Variants in CCDC83 observed in about 807,000 individuals in gnomAD.
The protein encoded by CCDC83 is coiled-coil domain containing 83.
A neutral mutation model predicts 50.1 loss-of-function variants in CCDC83; 54 were observed. That is an observed-to-expected ratio of 1.08 (90% CI 0.87 to 1.35). CCDC83 has a LOEUF of 1.35. Among genes scored for constraint, CCDC83 ranks in the 40% most tolerant of loss-of-function variants. The probability of loss-of-function intolerance (pLI) is 0.00; values close to 1 mark genes in which losing one functional copy is unlikely to be tolerated. For synonymous variants in CCDC83, 161 were observed against 153.3 expected (o/e 1.05, Z -0.37); for missense variants, 518 against 473.9 (o/e 1.09, Z -0.86).
chr11:85,907,046 A>G (rs2093429154), intron 7 of CCDC83, among the ~76,000 whole-genome samples: 1 of 152,214 alleles, frequency 6.6e-6, no homozygotes. Context: ...TACCATCACA[A>G]GAATTGAAAA....
chr11:85,899,106 A>C, intron 7 of CCDC83, 91 bp downstream of exon 7: 1 of 930,670 alleles, frequency 1.1e-6, no homozygotes, highest in Non-Finnish European at 1.7e-6. Context: ...TCATGGGAAA[A>C]GCATGGTACC....
intron 10 of CCDC83, among the ~76,000 whole-genome samples, chr11:85,918,319 C>A (rs1216643481): frequency 1.3e-5 from 2 of 152,160 alleles, no homozygotes; most frequent in African/African-American, 4.8e-5. Flanking sequence ...AGTAAACAGA[C>A]CACCTGTACC....
chr11:85,916,257 TTGAC>T, intron 10 of CCDC83, 24 bp downstream of exon 10: 1 of 1,474,412 alleles, frequency 6.8e-7, no homozygotes, highest in Non-Finnish European at 9.4e-7. Context: ...CAACACAACT[TTGAC>T]TACTAAGAAA....
At chr11:85,901,884 AGCCAGGCATGGTGGT>A (rs371094351) in intron 7 of CCDC83, among the ~76,000 whole-genome samples, 161 of 150,106 alleles carry the variant, frequency 1.1e-3, no homozygotes, top group African/African-American at 3.7e-3. Flanking sequence ...AAAAAAAATT[AGCCAGGCATGGTGGT>A]GCAGGCCTGT....
chr11:85,872,486 A>AAAC (rs141997473), intron 2 of CCDC83, among the ~76,000 whole-genome samples: 2,575 of 151,810 alleles, frequency 0.017, 33 homozygotes, highest in African/African-American at 0.037. Flanking sequence ...TTCCATCTCA[A>AAAC]AACAACAACA....
chr11:85,866,409 G>T (rs567195875), intron 2 of CCDC83, among the ~76,000 whole-genome samples: 72 of 152,242 alleles, frequency 4.7e-4, no homozygotes, highest in Non-Finnish European at 7.9e-4. Context: ...AAATGACAGG[G>T]TGGTATGGTG....
Position 85,891,674 on chromosome 11 carries a change from A to G in CCDC83, c.512-3619A>G, listed in dbSNP as rs570206193. 3.9e-5 allele frequency among the ~76,000 whole-genome samples: 6 copies of G among 152,288 alleles called. No homozygotes were observed. The East Asian group carries it at 9.6e-4, about 24-fold the overall frequency. The stretch of plus-strand genomic sequence containing the variant: ...AGTAACATTGTTTCTTTGAATGTTA[A>G]TTTTCTTGCCTATAAAATCAGAGTC... On this transcript the variant is annotated intron_variant, in intron 5 of 10. Coordinates refer to ENST00000342404, the MANE Select transcript of CCDC83 (RefSeq NM_001286159.2).
chr11:85,917,966 ATCC>A (rs1455549238), intron 10 of CCDC83: 2 of 152,158 alleles, frequency 1.3e-5, no homozygotes, highest in Non-Finnish European at 2.9e-5. Flanking sequence ...TTACTTGAGA[ATCC>A]TCCTCCCAGT....
intron 7 of CCDC83, among the ~76,000 whole-genome samples, chr11:85,908,937 T>C (rs761973753): frequency 2.6e-5 from 4 of 151,958 alleles, no homozygotes; most frequent in Non-Finnish European, 4.4e-5. Context: ...TTTTGGTTTT[T>C]TGTTTGTTTG....
chr11:85,875,294 G>C (rs1009667598), intron 3 of CCDC83, among the ~76,000 whole-genome samples: 1 of 152,220 alleles, frequency 6.6e-6, no homozygotes, highest in South Asian at 2.1e-4. Flanking sequence ...CAGGAAGGCG[G>C]GTTATCAATA....
chr11:85,857,167 C>A (rs1364648430), intron 1 of CCDC83, among the ~76,000 whole-genome samples: 1 of 152,184 alleles, frequency 6.6e-6, no homozygotes, highest in Non-Finnish European at 1.5e-5. Flanking sequence ...TGTGGAGAAC[C>A]AGATGCCGGG....
At chr11:85,879,581 T>C (rs915559817) in intron 3 of CCDC83, among the ~76,000 whole-genome samples, 3 of 152,058 alleles carry the variant, frequency 2.0e-5, no homozygotes, top group Non-Finnish European at 2.9e-5. Flanking sequence ...AGCCTCAAAA[T>C]ACATAAAGTA....
chr11:85,891,925 C>G (rs56996745), intron 5 of CCDC83, among the ~76,000 whole-genome samples: 6,860 of 152,222 alleles, frequency 0.045, 254 homozygotes, highest in South Asian at 0.076. Flanking sequence ...TTCAAATAGT[C>G]CCCCTGAATC....
At chr11:85,864,474 G>C (rs1162409604) in intron 1 of CCDC83, among the ~76,000 whole-genome samples, 1 of 152,088 alleles carries the variant, frequency 6.6e-6, no homozygotes, top group Non-Finnish European at 1.5e-5. Context: ...AGGTGTTTTT[G>C]ATTTTTTTAT....
intron 2 of CCDC83, among the ~76,000 whole-genome samples, chr11:85,866,974 GA>G (rs1566069677): frequency 6.6e-6 from 1 of 152,206 alleles, no homozygotes; most frequent in African/African-American, 2.4e-5. Context: ...GTCAGATCAA[GA>G]AGAACACTTG....
chr11:85,903,450 A>C (rs1377155281), intron 7 of CCDC83, among the ~76,000 whole-genome samples: 3 of 149,424 alleles, frequency 2.0e-5, no homozygotes, highest in South Asian at 2.1e-4. Context: ...ACATGCCACC[A>C]CGTTCCATCT....
intron 7 of CCDC83, among the ~76,000 whole-genome samples, chr11:85,905,442 CAAAA>C (rs141344643): frequency 2.8e-5 from 3 of 106,136 alleles, no homozygotes; most frequent in African/African-American, 3.8e-5. Context: ...AACTCCGCCT[CAAAA>C]AAAAAAAAAA....
At chr11:85,862,520 C>T (rs1368989228) in intron 1 of CCDC83, among the ~76,000 whole-genome samples, 2 of 152,188 alleles carry the variant, frequency 1.3e-5, no homozygotes, top group Non-Finnish European at 2.9e-5. Context: ...AAGGGTCTTG[C>T]CTCATCTATA....
chr11:85,898,909 T>C (rs769020687), intron 6 of CCDC83, 38 bp from the exon 7 acceptor site: 1 of 1,383,598 alleles, frequency 7.2e-7, no homozygotes, highest in Non-Finnish European at 1.0e-6. Flanking sequence ...TGAATCAGCA[T>C]GTGGCAACTC....
Sources: gnomAD v4.1 joint callset for allele counts (sites outside exome capture counted in the v4.1 genomes callset) on GRCh38, gnomAD v4.1.1 for gene constraint, MANE v1.5 for transcripts, NCBI Gene and HGNC (gene_info 2026-07-23, HGNC 2026-07-21) for gene names.